Variants in KIAA0825 observed in about 807,000 individuals in gnomAD.
KIAA0825 encodes uncharacterized protein KIAA0825.
Under a neutral mutation model 147.6 loss-of-function variants are expected in KIAA0825, and 119 were observed. That is an observed-to-expected ratio of 0.81 (90% CI 0.69 to 0.94). The LOEUF (loss-of-function observed/expected upper bound fraction) is 0.94, where lower values mean the gene tolerates loss of function less well. Ranked by LOEUF, KIAA0825 falls within the 40% of genes least tolerant of loss-of-function variation. The pLI, the probability that KIAA0825 is intolerant of heterozygous loss-of-function variation, is 0.00. For synonymous variants in KIAA0825, 470 were observed against 518.1 expected (o/e 0.91, Z 1.26); for missense variants, 1,381 against 1,472.7 (o/e 0.94, Z 1.02).
chr5:94,313,021 A>G (rs918822374), intron 20 of KIAA0825, among the ~76,000 whole-genome samples: 6 of 151,778 alleles, frequency 4.0e-5, no homozygotes, highest in Admixed American at 2.6e-4. Flanking sequence ...ACATTTTCTA[A>G]TCAAAGGAGG....
At chr5:94,164,976 C>A (rs1248877561) in intron 20 of KIAA0825, among the ~76,000 whole-genome samples, 1 of 152,122 alleles carries the variant, frequency 6.6e-6, no homozygotes, top group Non-Finnish European at 1.5e-5. Context: ...CAATACCCCA[C>A]AAGCACAGGC....
At chr5:94,303,332 A>C (rs1382850858) in intron 20 of KIAA0825, among the ~76,000 whole-genome samples, 1 of 152,040 alleles carries the variant, frequency 6.6e-6, no homozygotes, top group African/African-American at 2.4e-5. Flanking sequence ...AAAATTTGAA[A>C]AAGTATTAAA....
At chr5:94,499,870 T>A (rs1764862639) in intron 5 of KIAA0825, among the ~76,000 whole-genome samples, 1 of 152,176 alleles carries the variant, frequency 6.6e-6, no homozygotes, top group Non-Finnish European at 1.5e-5. Context: ...AGATCCCTAA[T>A]TAGATATGTT....
intron 2 of KIAA0825, among the ~76,000 whole-genome samples, chr5:94,546,545 C>T (rs1340762192): frequency 6.6e-6 from 1 of 150,838 alleles, no homozygotes; most frequent in Admixed American, 6.6e-5. Flanking sequence ...GAGAGAGACT[C>T]AGGGTGTTTA....
chr5:94,202,652 C>T (rs556521847), intron 20 of KIAA0825, among the ~76,000 whole-genome samples: 2 of 152,136 alleles, frequency 1.3e-5, no homozygotes, highest in Non-Finnish European at 2.9e-5. Context: ...GGGCTGGTGC[C>T]ATCTTATGTA....
intron 20 of KIAA0825, among the ~76,000 whole-genome samples, chr5:94,367,481 A>C (rs1746033272): frequency 6.6e-6 from 1 of 152,150 alleles, no homozygotes; most frequent in Non-Finnish European, 1.5e-5. Flanking sequence ...CTGGGCAACA[A>C]GAGCGACACT....
intron 5 of KIAA0825, among the ~76,000 whole-genome samples, chr5:94,513,591 T>C (rs1468070616): frequency 6.6e-6 from 1 of 152,178 alleles, no homozygotes; most frequent in East Asian, 1.9e-4. Flanking sequence ...TGTGCCCTTC[T>C]GTCTTTAGAA....
At chr5:94,537,459 G>T (rs1772285804) in intron 2 of KIAA0825, among the ~76,000 whole-genome samples, 1 of 151,966 alleles carries the variant, frequency 6.6e-6, no homozygotes, top group Admixed American at 6.6e-5. Flanking sequence ...AGACCATCCT[G>T]GCTAACATGA....
At chr5:94,341,571 G>A (rs1419501334) in intron 20 of KIAA0825, among the ~76,000 whole-genome samples, 2 of 152,162 alleles carry the variant, frequency 1.3e-5, no homozygotes, top group African/African-American at 4.8e-5. Context: ...GAAGAGCATG[G>A]CCATTAATGA....
intron 20 of KIAA0825, among the ~76,000 whole-genome samples, chr5:94,335,728 A>C (rs1781730225): frequency 6.6e-6 from 1 of 152,136 alleles, no homozygotes; most frequent in Admixed American, 6.5e-5. Flanking sequence ...ATTAGCTCTT[A>C]CCATATTGAT....
chr5:94,486,981 T>C (rs748867087), intron 5 of KIAA0825, among the ~76,000 whole-genome samples: 11 of 152,184 alleles, frequency 7.2e-5, no homozygotes, highest in Non-Finnish European at 1.5e-4. Context: ...TTTATCTGGC[T>C]CAATTCCAAA....
At chr5:94,511,351 T>C (rs1406251251) in intron 5 of KIAA0825, among the ~76,000 whole-genome samples, 1 of 152,226 alleles carries the variant, frequency 6.6e-6, no homozygotes, top group Non-Finnish European at 1.5e-5. Flanking sequence ...CCAGGCGTGG[T>C]GGCTCACACC....
At chr5:94,500,817 GC>G (rs1340110479) in intron 5 of KIAA0825, among the ~76,000 whole-genome samples, 2 of 152,012 alleles carry the variant, frequency 1.3e-5, no homozygotes, top group East Asian at 3.9e-4. Context: ...CACTGCTGTT[GC>G]CCAGGCTGTA....
chr5:94,216,649 G>C (rs988472751), intron 20 of KIAA0825, among the ~76,000 whole-genome samples: 1 of 152,142 alleles, frequency 6.6e-6, no homozygotes, highest in African/African-American at 2.4e-5. Flanking sequence ...AGGGAGGAGA[G>C]CCATTTTTCT....
intron 2 of KIAA0825, among the ~76,000 whole-genome samples, chr5:94,573,226 C>T (rs1159771896): frequency 2.7e-5 from 4 of 149,194 alleles, no homozygotes; most frequent in Non-Finnish European, 4.4e-5. Flanking sequence ...AGGAAATGTT[C>T]AGGTTAAGAT....
At chr5:94,420,777 ACTAAAACAATGTTTTAATG>A (rs1158915839) in intron 14 of KIAA0825, among the ~76,000 whole-genome samples, 4 of 152,280 alleles carry the variant, frequency 2.6e-5, no homozygotes, top group African/African-American at 4.8e-5. Context: ...TTGTTTTAAT[ACTAAAACAATGTTTTAATG>A]CTAAGGAAGG....
At chr5:94,232,594 T>C (rs1285898056) in intron 20 of KIAA0825, among the ~76,000 whole-genome samples, 2 of 152,174 alleles carry the variant, frequency 1.3e-5, no homozygotes, top group Non-Finnish European at 2.9e-5. Context: ...TCAGGTTTTA[T>C]ATGCATGCCT....
intron 20 of KIAA0825, among the ~76,000 whole-genome samples, chr5:94,373,544 C>T (rs1209745802): frequency 2.0e-5 from 3 of 151,974 alleles, no homozygotes; most frequent in Admixed American, 6.6e-5. Flanking sequence ...CTTTACATGG[C>T]GGCAGGTGAG....
In KIAA0825 at chr5:94,523,800, T is replaced by C. The variant is rs1768706517; in HGVS notation, c.300+130A>G. 7.6e-6 allele frequency: 4 copies of C among 526,126 alleles called. No homozygotes were observed. In the South Asian group the frequency reaches 1.1e-4, roughly 15 times the overall value. The allele number at this position is 526,126 out of a possible 1,614,324, so 32.6% of individuals were successfully genotyped here. On this transcript the variant is annotated intron_variant, in intron 4 of 20. Coordinates refer to ENST00000682413, the MANE Select transcript of KIAA0825 (RefSeq NM_001145678.3). ...GGATTATGTTGGGGATATAGGAACA[T>C]AAAAACACAAACCCCTATGTATGGC...
Sources: allele counts gnomAD v4.1 joint callset (sites outside exome capture counted in the v4.1 genomes callset), GRCh38; gene constraint gnomAD v4.1.1; transcripts MANE v1.5; gene names NCBI Gene and HGNC (gene_info 2026-07-23, HGNC 2026-07-21).